The following ADAMTSL2 variants were observed in gnomAD, a reference collection of about 807,000 sequenced individuals.
The protein encoded by ADAMTSL2 is ADAMTS-like protein 2.
A neutral mutation model predicts 117.0 loss-of-function variants in ADAMTSL2; 55 were observed. The ratio of observed to expected loss-of-function variants is 0.47; its 90% CI spans 0.38 to 0.59. The LOEUF (loss-of-function observed/expected upper bound fraction) is 0.59. Among genes scored for constraint, ADAMTSL2 ranks in the 20% least tolerant of loss-of-function variants. The pLI, the probability that ADAMTSL2 is intolerant of heterozygous loss-of-function variation, is 0.00. For synonymous variants in ADAMTSL2, 572 were observed against 566.4 expected (o/e 1.01, Z -0.14); for missense variants, 1,182 against 1,354.5 (o/e 0.87, Z 2.00).
At position 133,557,873 on chromosome 9, in the gene ADAMTSL2, G is replaced by T. The variant is rs1444224091; in HGVS notation, c.1649+1943G>T. ...ATCAGAGTGGCACCGAGGCCTCGCT[G>T]TGGAATTTGGCTTAAGGCATGGACA... On this transcript the variant is annotated intron_variant, in intron 11 of 18. Transcript: ENST00000651351. The surrounding 1 kb of genome is among the most constrained non-coding windows in gnomAD (Gnocchi z 5.2). 6.6e-6 allele frequency among the ~76,000 whole-genome samples: 1 copy of T among 152,192 alleles called. No homozygotes were observed. Among genetic ancestry groups the T allele is most frequent in the Non-Finnish European group, 1.5e-5 (1 of 68,028 alleles).
At chr9:133,564,231 A>G (rs1588303635) in intron 12 of ADAMTSL2, among the ~76,000 whole-genome samples, 4 of 73,074 alleles carry the variant, frequency 5.5e-5, no homozygotes, top group East Asian at 4.2e-4. Context: ...AGAGAGAGGG[A>G]GAGAGAGAGA....
At chr9:133,563,833 GAGAGAGAGAGGGAGA>G (rs1830811974) in intron 12 of ADAMTSL2, among the ~76,000 whole-genome samples, 1 of 100,862 alleles carries the variant, frequency 9.9e-6, no homozygotes, top group African/African-American at 4.1e-5. Context: ...GAGAGAGAGA[GAGAGAGAGAGGGAGA>G]GAGAGAGAGA....
In ADAMTSL2 at chr9:133,570,393, C is replaced by T. The variant is rs917739014; in HGVS notation, c.2478C>T (p.Asn826=). The change falls in exon 17 of 19, where the codon AAC becomes AAT. Residue 826 remains asparagine, a synonymous_variant. Transcript: ENST00000651351. ...KRLVLCMELA[N]GKPQTRSGPE... ...TGGTGCTCTGCATGGAGCTGGCCAA[C>T]GGGAAGCCGCAGACGCGCAGTGGCC... The T allele has an allele frequency of 1.0e-5, 16 of 1,573,612 alleles. No individual in the cohort carries two copies. Among genetic ancestry groups the T allele is most frequent in the East Asian group, 4.7e-5 (2 of 42,136 alleles).
rs1428532763 is a variant in ADAMTSL2 at position 133,536,908 on chromosome 9, C to CA, written c.90+107dup. 1.9e-6 allele frequency: 3 copies of CA among 1,549,246 alleles called. No homozygotes were observed. The African/African-American group carries it at 4.1e-5, about 21-fold the overall frequency. The stretch of plus-strand genomic sequence containing the variant: ...GAGGGAGCCGTGTGGGCACGTGCCC[C>CA]AGGTCCCAGAACCCATCTTGGCTCC... On this transcript the variant is annotated intron_variant, in intron 2 of 18. Transcript: ENST00000651351.
At chr9:133,571,195 A>C (rs986805426) in intron 17 of ADAMTSL2, among the ~76,000 whole-genome samples, 1 of 152,170 alleles carries the variant, frequency 6.6e-6, no homozygotes, top group Admixed American at 6.5e-5. Context: ...CTCTCTCCCA[A>C]TAGTGCCATG....
rs1351069428 is a variant in ADAMTSL2, at chr9:133,575,231, C to T, written c.*367C>T. Reference sequence around the variant, plus strand: ...CTTGCTCCGGGCCCGTAGCCCACGCCCTCTCTGGGTGGCAGGGCCTTCTGA... The same window carrying T: ...CTTGCTCCGGGCCCGTAGCCCACGCTCTCTCTGGGTGGCAGGGCCTTCTGA... On this transcript the variant is annotated 3_prime_UTR_variant, in exon 19 of 19. Transcript: ENST00000651351. The T allele has an allele frequency of 1.0e-5, 3 of 291,846 alleles. No homozygotes were observed. Among genetic ancestry groups the T allele is most frequent in the African/African-American group, 4.3e-5 (2 of 46,106 alleles). The allele number at this position is 291,846 out of a possible 1,614,324, so 18.1% of individuals were successfully genotyped here.
intron 9 of ADAMTSL2, among the ~76,000 whole-genome samples, chr9:133,552,273 C>T (rs1830504970): frequency 6.6e-6 from 1 of 152,088 alleles, no homozygotes; most frequent in Non-Finnish European, 1.5e-5. Flanking sequence ...TCTGGTACGC[C>T]CTAGCCCGCG....
At chr9:133,553,965 G>A (rs1047789335) in intron 9 of ADAMTSL2, among the ~76,000 whole-genome samples, 36 of 152,368 alleles carry the variant, frequency 2.4e-4, no homozygotes, top group East Asian at 2.3e-3. Context: ...GAGGGACACC[G>A]TGATTACTTA....
intron 8 of ADAMTSL2, among the ~76,000 whole-genome samples, chr9:133,545,481 C>T (rs1830325849): frequency 6.6e-6 from 1 of 152,194 alleles, no homozygotes; most frequent in East Asian, 1.9e-4. Context: ...CTCTCCAGAG[C>T]CTAAGGGCCA....
chr9:133,540,461 A>G (rs1342526491), intron 5 of ADAMTSL2, 137 bp from the exon 6 acceptor site: 8 of 1,204,704 alleles, frequency 6.6e-6, no homozygotes, highest in Non-Finnish European at 1.2e-6. Flanking sequence ...AGACCTGGAC[A>G]GGTTCCTTCT....
At chr9:133,542,461 G>C (rs1199449477) in intron 7 of ADAMTSL2, among the ~76,000 whole-genome samples, 4 of 152,198 alleles carry the variant, frequency 2.6e-5, no homozygotes, top group Non-Finnish European at 4.4e-5. Context: ...AGGGCACGTA[G>C]TGTGTGCCAG....
intron 9 of ADAMTSL2, among the ~76,000 whole-genome samples, chr9:133,553,494 C>T (rs1830534091): frequency 6.6e-6 from 1 of 152,206 alleles, no homozygotes; most frequent in Non-Finnish European, 1.5e-5. Flanking sequence ...CCTACCCCTG[C>T]CCCAGCCAAC....
intron 12 of ADAMTSL2, among the ~76,000 whole-genome samples, chr9:133,565,981 G>A (rs1189253386): frequency 6.6e-6 from 1 of 152,186 alleles, no homozygotes; most frequent in Non-Finnish European, 1.5e-5. Context: ...GGCCTGTGTG[G>A]CAGTTCGGTA....
chr9:133,574,858 C>T lies in ADAMTSL2; in HGVS notation c.2850C>T (p.His950=), dbSNP rs1222369965. The stretch of plus-strand genomic sequence containing the variant: ...GCTGCCGCTCCTGCAGGCCCCCCCA[C>T]TCCTAGGCCCGGCAGCTGCAGCCCC... ...KACCRSCRPP[H]S The change falls in exon 19 of 19, where the codon CAC becomes CAT. Residue 950 remains histidine, a synonymous_variant. Transcript: ENST00000651351. 1.3e-6 allele frequency: 2 copies of T among 1,580,444 alleles called. No individual in the cohort carries two copies. Among genetic ancestry groups the T allele is most frequent in the East Asian group, 4.7e-5 (2 of 42,328 alleles).
At chr9:133,545,312 C>A (rs891547475) in intron 8 of ADAMTSL2, among the ~76,000 whole-genome samples, 1 of 152,238 alleles carries the variant, frequency 6.6e-6, no homozygotes, top group African/African-American at 2.4e-5. Context: ...CAGGTGCAGC[C>A]CCAAACCTGA....
chr9:133,539,664 G>GGCTGTCCCA (rs1830155811), intron 4 of ADAMTSL2, 107 bp from the exon 5 acceptor site: 5 of 1,128,998 alleles, frequency 4.4e-6, no homozygotes, highest in Non-Finnish European at 5.1e-6. Flanking sequence ...CGGCTGTCCC[G>GGCTGTCCCA]GCTGTCCCGG....
chr9:133,548,737 C>T (rs1374085742), intron 9 of ADAMTSL2, among the ~76,000 whole-genome samples: 1 of 152,286 alleles, frequency 6.6e-6, no homozygotes, highest in Non-Finnish European at 1.5e-5. Context: ...CTCCCCCTGG[C>T]TGAGGGAAAT....
chr9:133,548,611 C>A (rs1461569197), intron 9 of ADAMTSL2, among the ~76,000 whole-genome samples: 2 of 151,964 alleles, frequency 1.3e-5, no homozygotes, highest in Non-Finnish European at 2.9e-5. Flanking sequence ...GATGCAGTTT[C>A]AACGGGCTTC....
intron 17 of ADAMTSL2, among the ~76,000 whole-genome samples, chr9:133,572,416 T>A (rs1257689040): frequency 6.6e-6 from 1 of 152,082 alleles, no homozygotes; most frequent in Non-Finnish European, 1.5e-5. Context: ...TGCCGGGCCC[T>A]GAAGCCTCCT....
Sources: gnomAD v4.1 joint callset for allele counts (sites outside exome capture counted in the v4.1 genomes callset) on GRCh38, gnomAD v4.1.1 for gene constraint, Gnocchi (gnomAD v3.1) non-coding constraint, MANE v1.5 for transcripts, NCBI Gene and HGNC (gene_info 2026-07-23, HGNC 2026-07-21) for gene names.